WDR5: variants seen among roughly 807,000 people sequenced by gnomAD.
WDR5 encodes the protein WD repeat domain 5.
For synonymous variants in WDR5, 144 were observed against 161.6 expected (o/e 0.89, Z 0.83); for missense variants, 187 against 416.9 (o/e 0.45, Z 4.80).
chr9:134,154,418 C>T lies in WDR5; in HGVS notation c.632-48C>T, dbSNP rs750182574. ...GAGCGGGTCCCACCTCCTGTCCCTG[C>T]CTGGCTGTCAGCGCCCGCCGTGTGT... On this transcript the variant is annotated intron_variant, in intron 9 of 13. Transcript: ENST00000358625. 1.5e-5 allele frequency: 24 copies of T among 1,599,914 alleles called. No individual in the cohort carries two copies. In the Admixed American group the frequency reaches 4.0e-4, roughly 27 times the overall value.
intron 7 of WDR5, among the ~76,000 whole-genome samples, chr9:134,145,946 TTTTTTG>T (rs1245512737): frequency 2.0e-5 from 3 of 148,916 alleles, no homozygotes; most frequent in African/African-American, 2.6e-5. Context: ...TCTTTTTTTT[TTTTTTG>T]TTTTTTAATA....
intron 10 of WDR5, among the ~76,000 whole-genome samples, chr9:134,154,887 C>T (rs911338889): frequency 6.6e-6 from 1 of 152,232 alleles, no homozygotes; most frequent in Non-Finnish European, 1.5e-5. Flanking sequence ...TTGATTTTAC[C>T]TCTCACAAAG....
At chr9:134,143,543 T>G (rs1343441058) in intron 7 of WDR5, among the ~76,000 whole-genome samples, 2 of 151,562 alleles carry the variant, frequency 1.3e-5, no homozygotes, top group Non-Finnish European at 2.9e-5. Context: ...TTTTTTTTTT[T>G]TGAGACTGAG....
At chr9:134,147,638 C>T (rs1832273155) in intron 7 of WDR5, among the ~76,000 whole-genome samples, 1 of 152,188 alleles carries the variant, frequency 6.6e-6, no homozygotes, top group South Asian at 2.1e-4. Context: ...CCACGGCTTC[C>T]TTGTGTGGCT....
chr9:134,156,650 G>T, intron 13 of WDR5, 57 bp downstream of exon 13: 1 of 1,573,976 alleles, frequency 6.4e-7, no homozygotes, highest in Non-Finnish European at 8.7e-7. Flanking sequence ...GACAGTTCCT[G>T]CAGGTGAAGC....
chr9:134,157,816 G>T lies in WDR5; in HGVS notation c.905-77G>T. 1 of 1,425,036 alleles carries T rather than the reference G, an allele frequency of 7.0e-7. No homozygotes were observed. The highest frequency in any genetic ancestry group is 1.2e-5 in the South Asian group (1 of 85,960). 88.3% of individuals were successfully genotyped at this position (1,425,036 alleles called of 1,614,324 possible). A position where few individuals can be genotyped will look rare whatever the true frequency, so the allele number is the denominator to read the frequency against. Reference sequence around the variant, plus strand: ...GCGCTACCCGCGTTTCTGGAGAAAGGTGGAGCTCAGTCTGGGATGGCGTCC... The same window carrying T: ...GCGCTACCCGCGTTTCTGGAGAAAGTTGGAGCTCAGTCTGGGATGGCGTCC... On this transcript the variant is annotated intron_variant, in intron 13 of 13. Coordinates refer to ENST00000358625, the MANE Select transcript of WDR5 (RefSeq NM_017588.3). The surrounding 1 kb of genome is among the most constrained non-coding windows in gnomAD (Gnocchi z 5.0).
At chr9:134,137,538 G>A (rs1033006229) in intron 1 of WDR5, among the ~76,000 whole-genome samples, 8 of 151,984 alleles carry the variant, frequency 5.3e-5, no homozygotes, top group Non-Finnish European at 7.4e-5. Flanking sequence ...CAAAAGATTG[G>A]CCGGGCGTAG....
At chr9:134,145,852 G>A (rs145708049) in intron 7 of WDR5, among the ~76,000 whole-genome samples, 171 of 152,116 alleles carry the variant, frequency 1.1e-3, no homozygotes, top group Middle Eastern at 3.4e-3. Flanking sequence ...AGTCGACTCC[G>A]CAGAGCACTT....
At position 134,148,145 on chromosome 9, in the gene WDR5, A is replaced by T. The variant is rs184236654; in HGVS notation, c.529-143A>T. 8 of 634,380 alleles carry T rather than the reference A, an allele frequency of 1.3e-5. No individual in the cohort carries two copies. The East Asian group carries it at 2.0e-4, about 16-fold the overall frequency. 39.3% of individuals were successfully genotyped at this position (634,380 alleles called of 1,614,324 possible). ...ACCCCAGCCTGGGTGACAGAGCGAG[A>T]CTCTTTCTGAAAACAAACAAACAAA... On this transcript the variant is annotated intron_variant, in intron 7 of 13. Coordinates refer to ENST00000358625, the MANE Select transcript of WDR5 (RefSeq NM_017588.3).
In WDR5 at chr9:134,157,699, C is replaced by T. The variant is rs551558232; in HGVS notation, c.905-194C>T. ...CCAACCGGCTGTGTCGCCCTGGTAC[C>T]GGCTGCTGTCCCCTCGCTCCCCTCC... On this transcript the variant is annotated intron_variant, in intron 13 of 13. Transcript: ENST00000358625. This position sits in a 1 kb window ranked among gnomAD's most constrained non-coding sequence, Gnocchi z 5.0. Among the ~76,000 whole-genome samples the T allele has an allele frequency of 4.6e-5, 7 of 152,222 alleles. No homozygotes were observed. The highest frequency in any genetic ancestry group is 1.9e-4 in the East Asian group (1 of 5,144).
chr9:134,145,031 G>C (rs1043629018), intron 7 of WDR5, among the ~76,000 whole-genome samples: 4 of 150,606 alleles, frequency 2.7e-5, no homozygotes, highest in Admixed American at 6.6e-5. Flanking sequence ...CTGCTCCGTA[G>C]CTGTCTCCAC....
intron 8 of WDR5, among the ~76,000 whole-genome samples, chr9:134,149,515 A>T (rs115284277): frequency 2.1e-3 from 316 of 152,318 alleles, no homozygotes; most frequent in African/African-American, 7.4e-3. Context: ...AGGGTGAGCT[A>T]TGGGCGAGCG....
At chr9:134,148,573 G>A (rs1398145975) in intron 8 of WDR5, among the ~76,000 whole-genome samples, 1 of 152,090 alleles carries the variant, frequency 6.6e-6, no homozygotes, top group Admixed American at 6.5e-5. Flanking sequence ...TTGTTGTTAG[G>A]GTGGGTCAGG....
chr9:134,142,459 G>GT, intron 6 of WDR5, 37 bp downstream of exon 6: 1 of 1,608,144 alleles, frequency 6.2e-7, no homozygotes, highest in Non-Finnish European at 8.5e-7. Flanking sequence ...GGGGGAGGTG[G>GT]TGTCGGATGT....
At chr9:134,151,568 T>G (rs1832488992) in intron 8 of WDR5, among the ~76,000 whole-genome samples, 1 of 152,190 alleles carries the variant, frequency 6.6e-6, no homozygotes, top group Non-Finnish European at 1.5e-5. Flanking sequence ...TACTCTTAAA[T>G]TTTTGTTTTG....
At chr9:134,143,968 C>T (rs28705949) in intron 7 of WDR5, among the ~76,000 whole-genome samples, 8,991 of 152,276 alleles carry the variant, frequency 0.059, 478 homozygotes, top group African/African-American at 0.14. Flanking sequence ...TCCTGCCCTT[C>T]GTTGAGAAGC....
Position 134,157,945 on chromosome 9 carries a change from T to C in WDR5, c.957T>C (p.Ala319=). 1 of 1,614,176 alleles carries C rather than the reference T, an allele frequency of 6.2e-7. No individual in the cohort carries two copies. Among genetic ancestry groups the C allele is most frequent in the Non-Finnish European group, 8.5e-7 (1 of 1,180,004 alleles). Residue 319 remains alanine, a synonymous_variant, in exon 14 of 14, where the codon GCT becomes GCC. Coordinates refer to ENST00000358625, the MANE Select transcript of WDR5 (RefSeq NM_017588.3). The surrounding 1 kb of genome is among the most constrained non-coding windows in gnomAD (Gnocchi z 5.0). ...CHPTENIIAS[A]ALENDKTIKL... ...CAACAGAAAACATCATCGCCTCTGCTGCGCTAGAAAATGACAAAACAATTA... is the reference window on the plus strand; with the variant it reads ...CAACAGAAAACATCATCGCCTCTGCCGCGCTAGAAAATGACAAAACAATTA...
intron 8 of WDR5, among the ~76,000 whole-genome samples, chr9:134,149,526 T>C (rs964744826): frequency 1.3e-5 from 2 of 152,166 alleles, no homozygotes; most frequent in African/African-American, 4.8e-5. Context: ...TGGGCGAGCG[T>C]GGAGCTGCCA....
Position 134,148,891 on chromosome 9 carries a change from C to A in WDR5, c.584+548C>A, listed in dbSNP as rs536867867. On this transcript the variant is annotated intron_variant, in intron 8 of 13. Transcript: ENST00000358625. ...TGTGTCCAGCACTCCTCAGGAGACA[C>A]AAGGGAAGTGGAGAAGTAGAGGTTA... Among the ~76,000 whole-genome samples the A allele has an allele frequency of 4.6e-5, 7 of 152,164 alleles. No individual in the cohort carries two copies. In the East Asian group the frequency reaches 1.2e-3, roughly 25 times the overall value.
Sources: gnomAD v4.1 joint callset for allele counts (sites outside exome capture counted in the v4.1 genomes callset) on GRCh38, gnomAD v4.1.1 for gene constraint, Gnocchi (gnomAD v3.1) non-coding constraint, MANE v1.5 for transcripts, NCBI Gene and HGNC (gene_info 2026-07-23, HGNC 2026-07-21) for gene names.